The following SOX5 variants were observed in gnomAD, a reference collection of about 807,000 sequenced individuals.
SOX5 encodes SRY-box transcription factor 5.
A neutral mutation model predicts 92.0 loss-of-function variants in SOX5; 9 were observed. The ratio of observed to expected loss-of-function variants is 0.10; its 90% CI spans 0.06 to 0.17. The LOEUF (loss-of-function observed/expected upper bound fraction) is 0.17. Among genes scored for constraint, SOX5 ranks in the 10% least tolerant of loss-of-function variants. SOX5 has a pLI of 1.00. For synonymous variants in SOX5, 344 were observed against 336.3 expected (o/e 1.02, Z -0.25); for missense variants, 642 against 944.5 (o/e 0.68, Z 4.20).
intron 1 of SOX5, among the ~76,000 whole-genome samples, chr12:24,552,532 T>C (rs533179459): frequency 4.5e-4 from 68 of 152,354 alleles, no homozygotes; most frequent in African/African-American, 1.5e-3. Flanking sequence ...TGATCACCTT[T>C]GAGAAACACT....
intron 1 of SOX5, among the ~76,000 whole-genome samples, chr12:24,475,507 A>G (rs1256102593): frequency 6.6e-6 from 1 of 152,214 alleles, no homozygotes; most frequent in African/African-American, 2.4e-5. Flanking sequence ...AGTCGTGAGC[A>G]ACACTCTGAA....
At chr12:23,963,765 T>TAA (rs60053598) in intron 4 of SOX5, among the ~76,000 whole-genome samples, 15,952 of 125,818 alleles carry the variant, frequency 0.13, 1,356 homozygotes, top group East Asian at 0.21. Context: ...ATGAATGAAG[T>TAA]AAAAAAAAAA....
rs528275089 is a variant in SOX5 at position 24,274,932 on chromosome 12, G to A, written c.-77+2284C>T. ...ATCCAATGCCACTGAACTGTAGCAC[G>A]GTACCTTGAACTGCCCTAAGCTAAA... is the stretch of plus-strand genomic sequence containing the variant. On this transcript the variant is annotated intron_variant, in intron 3 of 4. Transcript: ENST00000446891. Among the ~76,000 whole-genome samples, 12 of 152,128 alleles carry A rather than the reference G, an allele frequency of 7.9e-5. 1 individual carries two copies. Among genetic ancestry groups the A allele is most frequent in the Admixed American group, 3.9e-4 (6 of 15,270 alleles).
rs372054566 is a variant in SOX5 at position 24,054,871 on chromosome 12, T to C, written c.-2+158472A>G. Among the ~76,000 whole-genome samples the C allele has an allele frequency of 7.2e-5, 11 of 152,242 alleles. No individual in the cohort carries two copies. In the South Asian group the frequency reaches 2.1e-3, roughly 29 times the overall value. ...CTTGTTTAAAAGTATCAGCAAATAA[T>C]GTAAATCTAGAATAAAACAGAAGTC... On this transcript the variant is annotated intron_variant, in intron 4 of 4. Coordinates refer to the SOX5 transcript ENST00000446891.
rs542815068 is a variant in SOX5 at position 23,960,484 on chromosome 12, T to C, written c.-1-64460A>G. On this transcript the variant is annotated intron_variant, in intron 4 of 4. Coordinates refer to the SOX5 transcript ENST00000446891. ...CCATGTTTTATATATATATGTTTTA[T>C]ATATATTTATATACATATATATTTA... Among the ~76,000 whole-genome samples, 218 of 133,602 alleles carry C rather than the reference T, an allele frequency of 1.6e-3. 1 individual carries two copies. Among genetic ancestry groups the C allele is most frequent in the African/African-American group, 5.9e-3 (207 of 35,382 alleles). The allele number at this position is 133,602 out of a possible 152,430, so 87.6% of individuals were successfully genotyped here. A position where few individuals can be genotyped will look rare whatever the true frequency, so the allele number is the denominator to read the frequency against.
intron 4 of SOX5, among the ~76,000 whole-genome samples, chr12:23,977,099 T>C (rs905565608): frequency 6.6e-6 from 1 of 152,172 alleles, no homozygotes; most frequent in African/African-American, 2.4e-5. Flanking sequence ...TACTTCGGGA[T>C]AGAAACTAGA....
At chr12:24,317,073 T>G (rs1190875603) in intron 2 of SOX5, among the ~76,000 whole-genome samples, 1 of 152,220 alleles carries the variant, frequency 6.6e-6, no homozygotes, top group African/African-American at 2.4e-5. Context: ...CCTCAATGTG[T>G]CATGGAGGAA....
At chr12:24,023,211 A>T (rs1350796629) in intron 4 of SOX5, among the ~76,000 whole-genome samples, 3 of 152,144 alleles carry the variant, frequency 2.0e-5, no homozygotes, top group Non-Finnish European at 4.4e-5. Flanking sequence ...CACATTCATG[A>T]AGCACATTCA....
In SOX5 at chr12:24,126,438, G is replaced by A. The variant is rs552306357; in HGVS notation, c.-2+86905C>T. Among the ~76,000 whole-genome samples, 3 of 152,256 alleles carry A rather than the reference G, an allele frequency of 2.0e-5. No individual in the cohort carries two copies. In the East Asian group the frequency reaches 5.8e-4, roughly 29 times the overall value. ...ACCCTGCAAAGCGAAAACCAGGATA[G>A]CACCCTTATTCCTCTCTTCACACCA... is the stretch of plus-strand genomic sequence containing the variant. On this transcript the variant is annotated intron_variant, in intron 4 of 4. Coordinates refer to the SOX5 transcript ENST00000446891.
intron 2 of SOX5, among the ~76,000 whole-genome samples, chr12:24,279,956 T>C (rs569426666): frequency 3.3e-5 from 5 of 151,862 alleles, no homozygotes; most frequent in Admixed American, 1.3e-4. Flanking sequence ...AGGCAGGGAG[T>C]TGAGAAAGAA....
At chr12:24,325,844 G>A (rs185968056) in intron 2 of SOX5, among the ~76,000 whole-genome samples, 1 of 152,162 alleles carries the variant, frequency 6.6e-6, no homozygotes, top group African/African-American at 2.4e-5. Flanking sequence ...TTAAGTAAGA[G>A]AGCACTTTAG....
chr12:23,765,753 ATCT>A (rs1487189288), intron 3 of SOX5, among the ~76,000 whole-genome samples: 4 of 152,176 alleles, frequency 2.6e-5, no homozygotes, highest in African/African-American at 4.8e-5. Flanking sequence ...GGATACTGCC[ATCT>A]TCTTTATTTT....
intron 4 of SOX5, among the ~76,000 whole-genome samples, chr12:23,999,000 T>C (rs898116138): frequency 5.3e-5 from 8 of 151,874 alleles, no homozygotes; most frequent in African/African-American, 1.9e-4. Flanking sequence ...CAAGAGATAA[T>C]TTTAAAAGCA....
chr12:24,106,826 AT>A (rs1175434106), intron 4 of SOX5, among the ~76,000 whole-genome samples: 2 of 147,822 alleles, frequency 1.4e-5, no homozygotes, highest in East Asian at 3.9e-4. Context: ...AATAATAATA[AT>A]AATAATAATA....
At chr12:23,587,133 C>G (rs765232942) in intron 9 of SOX5, among the ~76,000 whole-genome samples, 24 of 151,824 alleles carry the variant, frequency 1.6e-4, no homozygotes, top group Non-Finnish European at 3.2e-4. Context: ...GTTTCATAAC[C>G]TAAAAACTTC....
At chr12:23,884,347 A>G (rs4526854) in intron 2 of SOX5, among the ~76,000 whole-genome samples, 2,743 of 152,236 alleles carry the variant, frequency 0.018, 85 homozygotes, top group African/African-American at 0.062. Context: ...CCCTATGCCA[A>G]CTCTCTTATA....
intron 2 of SOX5, among the ~76,000 whole-genome samples, chr12:23,859,109 C>A (rs1264285901): frequency 6.6e-6 from 1 of 152,114 alleles, no homozygotes; most frequent in South Asian, 2.1e-4. Flanking sequence ...GAAATCAGGG[C>A]ACCCTGAAAA....
chr12:23,875,286 T>A (rs79751586), intron 2 of SOX5, among the ~76,000 whole-genome samples: 1 of 152,032 alleles, frequency 6.6e-6, no homozygotes, highest in East Asian at 1.9e-4. Context: ...TTAAACTTGC[T>A]AAAAAAATTC....
At chr12:24,024,298 C>A (rs981817056) in intron 4 of SOX5, among the ~76,000 whole-genome samples, 1 of 151,964 alleles carries the variant, frequency 6.6e-6, no homozygotes, top group African/African-American at 2.4e-5. Flanking sequence ...AAAATAATTT[C>A]TTTTGATTTC....
Sources: allele counts gnomAD v4.1 joint callset (sites outside exome capture counted in the v4.1 genomes callset), GRCh38; gene constraint gnomAD v4.1.1; transcripts MANE v1.5; gene names NCBI Gene and HGNC (gene_info 2026-07-23, HGNC 2026-07-21).